FGD3: variants seen among roughly 807,000 people sequenced by gnomAD.
FGD3 encodes FYVE, RhoGEF and PH domain containing 3.
Under a neutral mutation model 71.8 loss-of-function variants are expected in FGD3, and 45 were observed. The ratio of observed to expected loss-of-function variants is 0.63; its 90% CI spans 0.49 to 0.80. FGD3 has a LOEUF of 0.80. Ranked by LOEUF, FGD3 falls within the 30% of genes least tolerant of loss-of-function variation. The pLI, the probability that FGD3 is intolerant of heterozygous loss-of-function variation, is 0.00. For missense variants in FGD3, 844 were observed against 951.5 expected (o/e 0.89, Z 1.49); for synonymous variants, 378 against 392.8 (o/e 0.96, Z 0.44).
chr9:92,970,152 G>A (rs933171576), intron 1 of FGD3, among the ~76,000 whole-genome samples: 1 of 152,202 alleles, frequency 6.6e-6, no homozygotes, highest in Non-Finnish European at 1.5e-5. Flanking sequence ...ACCCAAGCCC[G>A]GGGGCTTCCA....
intron 1 of FGD3, among the ~76,000 whole-genome samples, chr9:92,949,417 G>A (rs982498798): frequency 6.6e-6 from 1 of 152,120 alleles, no homozygotes; most frequent in Admixed American, 6.5e-5. Flanking sequence ...CTGCAGCGGG[G>A]CGTCCGTCCA....
At chr9:93,019,077 G>T (rs998262619) in intron 11 of FGD3, among the ~76,000 whole-genome samples, 1 of 152,082 alleles carries the variant, frequency 6.6e-6, no homozygotes, top group African/African-American at 2.4e-5. Context: ...TCGAACTCTT[G>T]ACCTCAGGTG....
At chr9:93,019,015 T>G (rs937180448) in intron 11 of FGD3, among the ~76,000 whole-genome samples, 2 of 152,004 alleles carry the variant, frequency 1.3e-5, no homozygotes, top group African/African-American at 4.8e-5. Context: ...CAGGCTAATT[T>G]TTTGTTTGAG....
intron 14 of FGD3, among the ~76,000 whole-genome samples, chr9:93,026,481 G>C (rs1013146893): frequency 6.6e-6 from 1 of 152,160 alleles, no homozygotes; most frequent in African/African-American, 2.4e-5. Context: ...TTGATGATGG[G>C]AGCTGGAGGG....
chr9:93,034,638 C>T lies in FGD3; in HGVS notation c.1883C>T (p.Pro628Leu), dbSNP rs1386082486. The change falls in exon 17 of 18, where the codon CCC (proline) becomes CTC (leucine). Residue 628 changes from proline to leucine, a missense_variant. By Grantham distance (98) the Pro-to-Leu change is moderately conservative (BLOSUM62 -3). Transcript: ENST00000375482. ...TGGAGCGAGGTGTGGGCCGCCATCCCCATGTCAGATCCCCAGGTGCTGCAC... is the reference window on the plus strand; with the variant it reads ...TGGAGCGAGGTGTGGGCCGCCATCCTCATGTCAGATCCCCAGGTGCTGCAC... ...ETWSEVWAAI[P>L]MSDPQVLHLQ... 5 of 1,613,476 alleles carry T rather than the reference C, an allele frequency of 3.1e-6. No homozygotes were observed. Among genetic ancestry groups the T allele is most frequent in the Non-Finnish European group, 4.2e-6 (5 of 1,179,836 alleles).
At chr9:92,955,173 A>T (rs1042782806) in intron 1 of FGD3, among the ~76,000 whole-genome samples, 4 of 152,186 alleles carry the variant, frequency 2.6e-5, no homozygotes, top group African/African-American at 9.7e-5. Flanking sequence ...CAGCCGGGCC[A>T]ACTCTGAGAT....
chr9:92,997,838 A>G (rs1333256916), intron 3 of FGD3, among the ~76,000 whole-genome samples: 2 of 152,292 alleles, frequency 1.3e-5, no homozygotes, highest in East Asian at 1.9e-4. Context: ...CGAGAGATCC[A>G]CTGTTAGTCT....
At chr9:92,949,750 G>A (rs1190711739) in intron 1 of FGD3, among the ~76,000 whole-genome samples, 3 of 152,146 alleles carry the variant, frequency 2.0e-5, no homozygotes, top group Admixed American at 2.0e-4. Context: ...GTGCCAGGAA[G>A]GACAGGGGAG....
rs1425857019 is a variant in FGD3 at position 92,976,563 on chromosome 9, A to G, written c.307A>G (p.Thr103Ala). The G allele has an allele frequency of 6.2e-7, 1 of 1,612,584 alleles. No homozygotes were observed. The highest frequency in any genetic ancestry group is 8.5e-7 in the Non-Finnish European group (1 of 1,179,828). ...EEGLEAGPSP[T>A]VLGAHAEMAL... ...GGGCTTGGAGGCTGGCCCAAGCCCC[A>G]CTGTACTGGGGGCGCACGCAGAGAT... Residue 103 changes from threonine to alanine, a missense_variant, in exon 3 of 18, where the codon ACT becomes GCT. Physicochemically the swap from Thr to Ala is moderately conservative, Grantham distance 58 (BLOSUM62 0). Transcript: ENST00000375482.
rs763775534 is a variant in FGD3, at chr9:93,032,234, A to C, written c.1681-535A>C. On this transcript the variant is annotated intron_variant, in intron 15 of 17. Coordinates refer to ENST00000375482, the MANE Select transcript of FGD3 (RefSeq NM_001083536.2). ...ATACCCCGAGTGGAACTGTGGCATC[A>C]TATGGTAACTCTGTGTTTAACATTT... Among the ~76,000 whole-genome samples, 61 of 152,180 alleles carry C rather than the reference A, an allele frequency of 4.0e-4. 1 individual carries two copies. The highest frequency in any genetic ancestry group is 1.0e-4 in the Non-Finnish European group (7 of 68,032).
intron 8 of FGD3, among the ~76,000 whole-genome samples, chr9:93,012,586 A>G (rs1403633052): frequency 6.6e-6 from 1 of 151,530 alleles, no homozygotes; most frequent in East Asian, 2.0e-4. Context: ...GGAGTTCAAG[A>G]CCAGCATGGC....
At chr9:93,029,323 G>A (rs1485754375) in intron 14 of FGD3, among the ~76,000 whole-genome samples, 2 of 152,188 alleles carry the variant, frequency 1.3e-5, no homozygotes, top group Non-Finnish European at 1.5e-5. Context: ...TTACAGGCAT[G>A]AGCCACTGCG....
chr9:92,962,167 C>A (rs1859178946), intron 1 of FGD3, among the ~76,000 whole-genome samples: 1 of 152,238 alleles, frequency 6.6e-6, no homozygotes, highest in Non-Finnish European at 1.5e-5. Context: ...TACTTTCAAG[C>A]CACAAACCCC....
At chr9:92,971,634 G>A (rs115273164) in intron 1 of FGD3, among the ~76,000 whole-genome samples, 1,887 of 125,878 alleles carry the variant, frequency 0.015, 52 homozygotes, top group African/African-American at 0.054. Flanking sequence ...GGAGTGCAGT[G>A]GTGATATCTC....
At chr9:93,006,207 A>T in intron 6 of FGD3, 27 bp downstream of exon 6, 2 of 1,512,592 alleles carry the variant, frequency 1.3e-6, no homozygotes, top group Non-Finnish European at 1.8e-6. Context: ...GAGTGTGGAC[A>T]CAGATGTTCT....
rs534481566 is a variant in FGD3 at position 92,969,489 on chromosome 9, C to T, written c.-217-5749C>T. Among the ~76,000 whole-genome samples, 73 of 152,312 alleles carry T rather than the reference C, an allele frequency of 4.8e-4. No homozygotes were observed. Among genetic ancestry groups the T allele is most frequent in the Admixed American group, 1.2e-3 (18 of 15,306 alleles). On this transcript the variant is annotated intron_variant, in intron 1 of 17. Transcript: ENST00000375482. The surrounding 1 kb of genome is among the most constrained non-coding windows in gnomAD (Gnocchi z 4.5). Reference sequence around the variant, plus strand: ...GAAGTGGCATCAAAGAATATACGGGCAGTTTAAAAACCACCACTAACGCGT... The same window carrying T: ...GAAGTGGCATCAAAGAATATACGGGTAGTTTAAAAACCACCACTAACGCGT...
intron 1 of FGD3, among the ~76,000 whole-genome samples, chr9:92,951,127 T>TGTGGGGCTTTTAGGAATG (rs1228716972): frequency 1.3e-5 from 2 of 152,178 alleles, no homozygotes; most frequent in Admixed American, 6.5e-5. Flanking sequence ...CATGAGGGAA[T>TGTGGGGCTTTTAGGAATG]TCCAACCGGC....
At chr9:93,028,235 CA>C (rs1349843406) in intron 14 of FGD3, among the ~76,000 whole-genome samples, 3 of 150,182 alleles carry the variant, frequency 2.0e-5, no homozygotes, top group Non-Finnish European at 3.0e-5. Flanking sequence ...CACACACACA[CA>C]CCCCAATTTT....
intron 3 of FGD3, among the ~76,000 whole-genome samples, chr9:92,981,051 T>C (rs1859973782): frequency 6.6e-6 from 1 of 151,870 alleles, no homozygotes; most frequent in Non-Finnish European, 1.5e-5. Flanking sequence ...TATTGAATTC[T>C]AGTTTCATTC....
Sources: gnomAD v4.1 joint callset for allele counts (sites outside exome capture counted in the v4.1 genomes callset) on GRCh38, gnomAD v4.1.1 for gene constraint, Gnocchi (gnomAD v3.1) non-coding constraint, MANE v1.5 for transcripts, NCBI Gene and HGNC (gene_info 2026-07-23, HGNC 2026-07-21) for gene names.